The following FAM227B variants were observed in gnomAD, a reference collection of about 807,000 sequenced individuals.
FAM227B encodes family with sequence similarity 227 member B, also known as protein FAM227B.
A neutral mutation model predicts 73.8 loss-of-function variants in FAM227B; 88 were observed. The ratio of observed to expected loss-of-function variants is 1.19; its 90% CI spans 1.00 to 1.42. The LOEUF (loss-of-function observed/expected upper bound fraction) is 1.42, where lower values mean the gene tolerates loss of function less well. Among genes scored for constraint, FAM227B ranks in the 40% most tolerant of loss-of-function variants. The pLI is 0.00. For synonymous variants in FAM227B, 210 were observed against 190.5 expected (o/e 1.10, Z -0.84); for missense variants, 632 against 590.9 (o/e 1.07, Z -0.72).
intron 11 of FAM227B, among the ~76,000 whole-genome samples, chr15:49,405,529 C>T (rs979278704): frequency 5.3e-5 from 8 of 152,128 alleles, no homozygotes; most frequent in Non-Finnish European, 1.2e-4. Flanking sequence ...ATGCTTTCTT[C>T]AATGTGGTCT....
chr15:49,587,786 G>A (rs1277471247), intron 5 of FAM227B, among the ~76,000 whole-genome samples: 1 of 152,006 alleles, frequency 6.6e-6, no homozygotes, highest in Non-Finnish European at 1.5e-5. Flanking sequence ...AGTATACCTT[G>A]AAATAAGTCT....
Position 49,483,186 on chromosome 15 carries a change from G to T in FAM227B, c.1012+25025C>A, listed in dbSNP as rs766603685. On this transcript the variant is annotated intron_variant, in intron 11 of 15. Transcript: ENST00000299338. Reference sequence around the variant, plus strand: ...AATCAGGACAGTGGCAGTTGGAATTGTGGCAATCAAAGGGGTGGAAAGTGA... The same window carrying T: ...AATCAGGACAGTGGCAGTTGGAATTTTGGCAATCAAAGGGGTGGAAAGTGA... The T allele has an allele frequency of 1.4e-5, 22 of 1,590,402 alleles. No homozygotes were observed. Among genetic ancestry groups the T allele is most frequent in the Non-Finnish European group, 1.4e-5 (17 of 1,174,552 alleles).
chr15:49,614,843 T>C (rs1208534966), intron 2 of FAM227B: 5 of 363,266 alleles, frequency 1.4e-5, no homozygotes, highest in Non-Finnish European at 1.5e-5. Flanking sequence ...CATGGTTACA[T>C]TTCTTCCTTG....
chr15:49,439,025 T>A (rs2051367770), intron 11 of FAM227B, among the ~76,000 whole-genome samples: 1 of 151,768 alleles, frequency 6.6e-6, no homozygotes, highest in Non-Finnish European at 1.5e-5. Context: ...GTAGCTTAGC[T>A]GAGTGGGTTG....
intron 11 of FAM227B, among the ~76,000 whole-genome samples, chr15:49,472,129 C>G (rs2151969950): frequency 6.6e-6 from 1 of 152,128 alleles, no homozygotes; most frequent in South Asian, 2.1e-4. Flanking sequence ...AAATAGGCTC[C>G]TGGAGTTTTA....
intron 11 of FAM227B, among the ~76,000 whole-genome samples, chr15:49,423,845 T>C (rs2049898153): frequency 6.6e-6 from 1 of 151,906 alleles, no homozygotes; most frequent in African/African-American, 2.4e-5. Flanking sequence ...CATGCATAAA[T>C]TTTATAAATC....
chr15:49,337,129 T>C (rs888193594), intron 13 of FAM227B, among the ~76,000 whole-genome samples: 1 of 152,224 alleles, frequency 6.6e-6, no homozygotes, highest in Non-Finnish European at 1.5e-5. Context: ...GTCTTTGCTA[T>C]TGTGAATAGT....
intron 11 of FAM227B, among the ~76,000 whole-genome samples, chr15:49,397,035 G>A (rs953920067): frequency 6.6e-6 from 1 of 152,168 alleles, no homozygotes; most frequent in Non-Finnish European, 1.5e-5. Context: ...GGCTTCAGAT[G>A]ATCAAATTAC....
At chr15:49,382,685 A>G (rs147899682) in intron 11 of FAM227B, among the ~76,000 whole-genome samples, 1 of 152,256 alleles carries the variant, frequency 6.6e-6, no homozygotes, top group East Asian at 1.9e-4. Flanking sequence ...AGGACATCTT[A>G]TTCATTACAC....
intron 13 of FAM227B, among the ~76,000 whole-genome samples, chr15:49,355,372 A>G (rs2042967648): frequency 6.6e-6 from 1 of 152,254 alleles, no homozygotes; most frequent in Non-Finnish European, 1.5e-5. Context: ...TAACTAGAAT[A>G]ACCAATACAG....
chr15:49,383,221 T>C (rs1182082403), intron 11 of FAM227B, among the ~76,000 whole-genome samples: 5 of 152,298 alleles, frequency 3.3e-5, no homozygotes, highest in Non-Finnish European at 5.9e-5. Context: ...AGTAAAACAT[T>C]AATATACAGG....
In FAM227B at chr15:49,489,840, TTTA is replaced by T. The variant is rs1425403115; in HGVS notation, c.1012+18368_1012+18370del. 5.5e-4 allele frequency among the ~76,000 whole-genome samples: 12 copies of T among 21,834 alleles called. 1 individual carries two copies. Among genetic ancestry groups the T allele is most frequent in the Admixed American group, 2.0e-3 (2 of 1,022 alleles). The allele number at this position is 21,834 out of a possible 152,430, so 14.3% of individuals were successfully genotyped here. A position where few individuals can be genotyped will look rare whatever the true frequency, so the allele number is the denominator to read the frequency against. Reference sequence around the variant, plus strand: ...ATATATTTTATATATATATATATATTTTATATATATATATATATTTTATATATA... The same window carrying T: ...ATATATTTTATATATATATATATATTTATATATATATATATTTTATATATA... On this transcript the variant is annotated intron_variant, in intron 11 of 15. Coordinates refer to ENST00000299338, the MANE Select transcript of FAM227B (RefSeq NM_152647.3).
chr15:49,566,507 TCAGATTAATTTGTGCTAAATAGTGGA>T (rs1239765623), intron 9 of FAM227B, among the ~76,000 whole-genome samples: 2 of 152,228 alleles, frequency 1.3e-5, no homozygotes, highest in Non-Finnish European at 2.9e-5. Context: ...ATATTTAGGT[TCAGATTAATTTGTGCTAAATAGTGGA>T]CTGGAAGATA....
chr15:49,517,788 T>C (rs1381523366), intron 10 of FAM227B, among the ~76,000 whole-genome samples: 1 of 152,226 alleles, frequency 6.6e-6, no homozygotes, highest in Admixed American at 6.5e-5. Flanking sequence ...TCCTCTGTTC[T>C]AGTTACTACC....
At chr15:49,366,590 G>A (rs1279993328) in intron 13 of FAM227B, 4 of 1,599,106 alleles carry the variant, frequency 2.5e-6, no homozygotes, top group South Asian at 1.1e-5. Flanking sequence ...ATTTCCAGAC[G>A]CATGCAAGAT....
chr15:49,591,589 G>A (rs985690994), intron 3 of FAM227B, among the ~76,000 whole-genome samples: 4 of 140,980 alleles, frequency 2.8e-5, no homozygotes, highest in East Asian at 2.2e-4. Flanking sequence ...AGGTTCAAGC[G>A]ATTCTCCTGC....
intron 13 of FAM227B, among the ~76,000 whole-genome samples, chr15:49,340,505 GAAGT>G (rs1310408426): frequency 2.0e-5 from 3 of 150,454 alleles, no homozygotes; most frequent in Non-Finnish European, 4.4e-5. Flanking sequence ...TGGAAATGCA[GAAGT>G]CACCTGTCTT....
At chr15:49,613,969 T>C (rs957618897) in intron 2 of FAM227B, among the ~76,000 whole-genome samples, 15 of 152,202 alleles carry the variant, frequency 9.9e-5, no homozygotes, top group African/African-American at 2.7e-4. Flanking sequence ...TCTAGCTTCA[T>C]GGGTATAGCA....
At chr15:49,460,136 T>C (rs1231554952) in intron 11 of FAM227B, among the ~76,000 whole-genome samples, 3 of 152,076 alleles carry the variant, frequency 2.0e-5, no homozygotes, top group East Asian at 1.9e-4. Flanking sequence ...TCAGGTATCA[T>C]GGAAGAGGCA....
Sources: gnomAD v4.1 joint callset for allele counts (sites outside exome capture counted in the v4.1 genomes callset) on GRCh38, gnomAD v4.1.1 for gene constraint, MANE v1.5 for transcripts, NCBI Gene and HGNC (gene_info 2026-07-23, HGNC 2026-07-21) for gene names.